The following MIPOL1 variants were observed in gnomAD, a reference collection of about 807,000 sequenced individuals.
MIPOL1 encodes mirror-image polydactyly gene 1 protein.
In MIPOL1, 57 loss-of-function variants were observed where a neutral mutation model predicts 60.9. The ratio of observed to expected loss-of-function variants is 0.94; its 90% CI spans 0.76 to 1.17. MIPOL1 has a LOEUF of 1.17. Among genes scored for constraint, MIPOL1 ranks in the 50% most tolerant of loss-of-function variants. MIPOL1 has a pLI of 0.00. For synonymous variants in MIPOL1, 179 were observed against 168.8 expected (o/e 1.06, Z -0.47); for missense variants, 551 against 511.6 (o/e 1.08, Z -0.74).
chr14:37,497,448 T>C (rs2095149095), intron 11 of MIPOL1, among the ~76,000 whole-genome samples: 1 of 152,136 alleles, frequency 6.6e-6, no homozygotes, highest in Non-Finnish European at 1.5e-5. Context: ...GGGAATGGAG[T>C]AGGCTAAGAT....
At chr14:37,355,750 A>G (rs1015046997) in intron 9 of MIPOL1, among the ~76,000 whole-genome samples, 10 of 149,264 alleles carry the variant, frequency 6.7e-5, no homozygotes, top group African/African-American at 9.9e-5. Context: ...CTTGGTTTTC[A>G]GCTCCATCAG....
At chr14:37,518,281 G>T (rs1013420579) in intron 12 of MIPOL1, among the ~76,000 whole-genome samples, 1 of 152,110 alleles carries the variant, frequency 6.6e-6, no homozygotes, top group African/African-American at 2.4e-5. Context: ...AAAATAAATG[G>T]AATTAGGAAA....
intron 12 of MIPOL1, among the ~76,000 whole-genome samples, chr14:37,501,268 A>T (rs747831605): frequency 6.6e-6 from 1 of 152,216 alleles, no homozygotes; most frequent in Non-Finnish European, 1.5e-5. Flanking sequence ...ATGTACGTTA[A>T]TATTCTAAGA....
intron 9 of MIPOL1, among the ~76,000 whole-genome samples, chr14:37,354,432 G>C: frequency 4.0e-5 from 1 of 24,730 alleles, no homozygotes; most frequent in Non-Finnish European, 7.8e-5. Context: ...TCTGCTTGGT[G>C]CAGAGCTGTG....
At chr14:37,270,797 G>T (rs1387540107) in intron 6 of MIPOL1, among the ~76,000 whole-genome samples, 1 of 151,924 alleles carries the variant, frequency 6.6e-6, no homozygotes, top group East Asian at 1.9e-4. Context: ...TGTTTGTTTT[G>T]TTGGAAGGGG....
chr14:37,396,386 T>TA (rs1220354013), intron 10 of MIPOL1, among the ~76,000 whole-genome samples: 1 of 152,102 alleles, frequency 6.6e-6, no homozygotes, highest in African/African-American at 2.4e-5. Context: ...ACCTGGTCCT[T>TA]TTGTCTCACA....
At chr14:37,446,297 T>G (rs2094333689) in intron 11 of MIPOL1, among the ~76,000 whole-genome samples, 1 of 152,108 alleles carries the variant, frequency 6.6e-6, no homozygotes, top group African/African-American at 2.4e-5. Flanking sequence ...AGAAGACATT[T>G]ATGCAGCCAA....
In MIPOL1 at chr14:37,547,674, C is replaced by A. The variant is rs2095551661; in HGVS notation, c.*703C>A. The A allele has an allele frequency of 6.6e-6, 1 of 152,480 alleles. No individual in the cohort carries two copies. Among genetic ancestry groups the A allele is most frequent in the Non-Finnish European group, 1.5e-5 (1 of 67,970 alleles). The allele number at this position is 152,480 out of a possible 1,614,324, so 9.4% of individuals were successfully genotyped here. On this transcript the variant is annotated 3_prime_UTR_variant, in exon 13 of 13. Coordinates refer to ENST00000684589, the MANE Select transcript of MIPOL1 (RefSeq NM_001388067.1). Reference sequence around the variant, plus strand: ...ATGTGTACTTATAAATTCACATTGTCAGTATTTTTTAATATTGGGTCTGAA... The same window carrying A: ...ATGTGTACTTATAAATTCACATTGTAAGTATTTTTTAATATTGGGTCTGAA...
chr14:37,251,784 T>C (rs1455898282), intron 3 of MIPOL1, among the ~76,000 whole-genome samples: 1 of 152,024 alleles, frequency 6.6e-6, no homozygotes, highest in Non-Finnish European at 1.5e-5. Flanking sequence ...AGCAGATACA[T>C]GGTTAAGTAG....
At chr14:37,518,335 A>G (rs192479467) in intron 12 of MIPOL1, among the ~76,000 whole-genome samples, 1 of 152,288 alleles carries the variant, frequency 6.6e-6, no homozygotes, top group Non-Finnish European at 1.5e-5. Context: ...ATCAAAGTAA[A>G]TCTCATGATT....
chr14:37,341,169 CGTGA>C lies in MIPOL1; in HGVS notation c.829-28345_829-28342del, dbSNP rs150374112. Among the ~76,000 whole-genome samples, 515 of 152,250 alleles carry C rather than the reference CGTGA, an allele frequency of 3.4e-3. 4 individuals are homozygous for C. The highest frequency in any genetic ancestry group is 0.011 in the African/African-American group (464 of 41,538). ...ATTGTTAAGCAATGTATTCCTGTAT[CGTGA>C]GTATTAACCAAAATGTGACACAGAC... On this transcript the variant is annotated intron_variant, in intron 9 of 12. Coordinates refer to ENST00000684589, the MANE Select transcript of MIPOL1 (RefSeq NM_001388067.1).
intron 5 of MIPOL1, 65 bp downstream of exon 5, chr14:37,268,858 T>C: frequency 2.4e-6 from 3 of 1,257,392 alleles, no homozygotes; most frequent in Non-Finnish European, 3.2e-6. Flanking sequence ...TAAATTTCCT[T>C]TGTTGCCCAT....
chr14:37,411,027 A>G (rs1321623325), intron 10 of MIPOL1, among the ~76,000 whole-genome samples: 3 of 152,190 alleles, frequency 2.0e-5, no homozygotes, highest in Non-Finnish European at 4.4e-5. Flanking sequence ...TTTAAAAACA[A>G]AGATTGTTTA....
chr14:37,286,137 TC>T (rs1287391420), intron 7 of MIPOL1, among the ~76,000 whole-genome samples: 1 of 152,186 alleles, frequency 6.6e-6, no homozygotes, highest in African/African-American at 2.4e-5. Context: ...ATATCCCTGT[TC>T]CTGTTCTTTA....
intron 1 of MIPOL1, among the ~76,000 whole-genome samples, chr14:37,233,528 G>T (rs1397675784): frequency 6.6e-6 from 1 of 152,156 alleles, no homozygotes; most frequent in African/African-American, 2.4e-5. Flanking sequence ...AGGGTCCTAG[G>T]AATTTAACCA....
intron 6 of MIPOL1, among the ~76,000 whole-genome samples, chr14:37,274,040 C>T (rs1304020987): frequency 6.6e-6 from 1 of 151,112 alleles, no homozygotes; most frequent in Non-Finnish European, 1.5e-5. Context: ...TTTGAAAGGG[C>T]ACTAAACTGA....
chr14:37,288,040 G>C (rs947303768), intron 7 of MIPOL1, among the ~76,000 whole-genome samples: 1 of 152,158 alleles, frequency 6.6e-6, no homozygotes, highest in East Asian at 1.9e-4. Context: ...AGTTTATTGG[G>C]GCCAAGCTTG....
chr14:37,373,858 C>A (rs2092705867), intron 10 of MIPOL1, among the ~76,000 whole-genome samples: 1 of 152,066 alleles, frequency 6.6e-6, no homozygotes, highest in South Asian at 2.1e-4. Context: ...GTGCATGTGT[C>A]TTTATAGTAG....
At chr14:37,330,666 C>T (rs1450688100) in intron 9 of MIPOL1, among the ~76,000 whole-genome samples, 2 of 150,362 alleles carry the variant, frequency 1.3e-5, no homozygotes, top group Non-Finnish European at 3.0e-5. Context: ...TCAGATACTT[C>T]TAAAGTTAAG....
Sources: gnomAD v4.1 joint callset for allele counts (sites outside exome capture counted in the v4.1 genomes callset) on GRCh38, gnomAD v4.1.1 for gene constraint, MANE v1.5 for transcripts, NCBI Gene and HGNC (gene_info 2026-07-23, HGNC 2026-07-21) for gene names.